MCU: variants seen among roughly 807,000 people sequenced by gnomAD.
The protein encoded by MCU is mitochondrial calcium uniporter.
A neutral mutation model predicts 45.2 loss-of-function variants in MCU; 12 were observed. The observed-to-expected ratio is 0.27, with a 90% CI of 0.17 to 0.43. The LOEUF is 0.43. Among genes scored for constraint, MCU ranks in the 20% least tolerant of loss-of-function variants. The pLI is 1.00. For synonymous variants in MCU, 160 were observed against 165.1 expected, an observed-to-expected ratio of 0.97 and a Z score of 0.24; for missense variants, 324 against 436.7, an observed-to-expected ratio of 0.74 and a Z score of 2.30.
At chr10:72,845,689 A>G (rs998740816) in intron 2 of MCU, among the ~76,000 whole-genome samples, 5 of 152,204 alleles carry the variant, frequency 3.3e-5, no homozygotes, top group Non-Finnish European at 4.4e-5. Flanking sequence ...ATTATCTATG[A>G]TGTTCACACA....
chr10:72,836,882 A>G (rs1198161113), intron 2 of MCU, among the ~76,000 whole-genome samples: 1 of 152,186 alleles, frequency 6.6e-6, no homozygotes, highest in African/African-American at 2.4e-5. Context: ...AGCTACTCCA[A>G]TAAGTAGAGT....
At chr10:72,764,666 TC>T (rs1206832427) in intron 1 of MCU, among the ~76,000 whole-genome samples, 1 of 152,160 alleles carries the variant, frequency 6.6e-6, no homozygotes, top group Non-Finnish European at 1.5e-5. Flanking sequence ...AGTATTACAT[TC>T]CCCTAAACAG....
chr10:72,829,219 A>C (rs1844842412), intron 1 of MCU, among the ~76,000 whole-genome samples: 1 of 151,384 alleles, frequency 6.6e-6, no homozygotes, highest in Non-Finnish European at 1.5e-5. Context: ...GCTACTCGGG[A>C]GGCTGAGGCA....
chr10:72,737,068 T>C (rs945046753), intron 1 of MCU, among the ~76,000 whole-genome samples: 3 of 152,224 alleles, frequency 2.0e-5, no homozygotes, highest in African/African-American at 7.2e-5. Flanking sequence ...AAACTCTAAA[T>C]GGCCACAGAC....
intron 1 of MCU, among the ~76,000 whole-genome samples, chr10:72,763,387 G>T (rs776645336): frequency 6.6e-6 from 1 of 152,174 alleles, no homozygotes; most frequent in Admixed American, 6.5e-5. Context: ...CTCAAACTGG[G>T]TGAAGCGGGA....
At chr10:72,808,595 C>T (rs2395007) in intron 1 of MCU, among the ~76,000 whole-genome samples, 94,688 of 152,020 alleles carry the variant, frequency 0.62, 30,988 homozygotes, top group African/African-American at 0.71. Context: ...GAAAGCTTCA[C>T]GCATTAATCC....
intron 1 of MCU, among the ~76,000 whole-genome samples, chr10:72,744,915 T>C (rs1446204484): frequency 1.3e-5 from 2 of 152,220 alleles, no homozygotes; most frequent in African/African-American, 4.8e-5. Flanking sequence ...AACCTTTGAA[T>C]GTTTAGTATA....
intron 2 of MCU, among the ~76,000 whole-genome samples, chr10:72,844,406 A>G (rs1365590813): frequency 6.6e-6 from 1 of 151,754 alleles, no homozygotes; most frequent in Non-Finnish European, 1.5e-5. Context: ...GTAAAAAAAT[A>G]GAAATACAAA....
chr10:72,781,074 T>A (rs993872208), intron 1 of MCU, among the ~76,000 whole-genome samples: 31 of 152,220 alleles, frequency 2.0e-4, no homozygotes, highest in East Asian at 1.5e-3. Context: ...AAATTTTTTT[T>A]AAAGAATTGG....
chr10:72,742,829 A>ATG, intron 1 of MCU, among the ~76,000 whole-genome samples: 1 of 152,280 alleles, frequency 6.6e-6, no homozygotes, highest in South Asian at 2.1e-4. Context: ...TCTCCTGAAG[A>ATG]TGTAATTAGA....
In MCU at chr10:72,750,446, T is replaced by C. The variant is rs111822683; in HGVS notation, c.150+58145T>C. Among the ~76,000 whole-genome samples, 872 of 152,282 alleles carry C rather than the reference T, an allele frequency of 5.7e-3. 7 individuals carry two copies. The highest frequency in any genetic ancestry group is 0.02 in the African/African-American group (842 of 41,540). ...TTTGTTGCAAGGCATTGATTACAAA[T>C]TTGATTTTTAAGAGCGTTGTTCAGT... On this transcript the variant is annotated intron_variant, in intron 1 of 7. Transcript: ENST00000373053.
chr10:72,811,619 C>T (rs781750537), intron 1 of MCU, among the ~76,000 whole-genome samples: 18 of 152,158 alleles, frequency 1.2e-4, no homozygotes, highest in Admixed American at 3.9e-4. Context: ...ATCTTTCACT[C>T]AGTTTAGTTT....
chr10:72,801,603 A>G (rs1181556119), intron 1 of MCU, among the ~76,000 whole-genome samples: 1 of 151,364 alleles, frequency 6.6e-6, no homozygotes, highest in Non-Finnish European at 1.5e-5. Flanking sequence ...TTTCTTTAAA[A>G]TTGCTACTTC....
At chr10:72,729,792 G>A (rs934860166) in intron 1 of MCU, among the ~76,000 whole-genome samples, 1 of 152,110 alleles carries the variant, frequency 6.6e-6, no homozygotes, top group Admixed American at 6.5e-5. Context: ...AGGCTCTCTC[G>A]TGCATTGTAA....
intron 1 of MCU, among the ~76,000 whole-genome samples, chr10:72,714,507 A>G (rs1842935242): frequency 6.6e-6 from 1 of 151,168 alleles, no homozygotes; most frequent in African/African-American, 2.4e-5. Flanking sequence ...CCCAATTTTT[A>G]TATCTGTTGA....
chr10:72,873,082 G>A (rs1461792511), intron 6 of MCU, among the ~76,000 whole-genome samples: 5 of 133,796 alleles, frequency 3.7e-5, no homozygotes, highest in Non-Finnish European at 6.2e-5. Context: ...ACAATGGCAC[G>A]ATCTCGGCTC....
At chr10:72,748,739 TAAACTC>T (rs1843451475) in intron 1 of MCU, among the ~76,000 whole-genome samples, 1 of 152,162 alleles carries the variant, frequency 6.6e-6, no homozygotes, top group South Asian at 2.1e-4. Flanking sequence ...AAAAAAAAGA[TAAACTC>T]TAAGGGAAGG....
At chr10:72,811,308 C>T (rs753017093) in intron 1 of MCU, among the ~76,000 whole-genome samples, 2 of 152,114 alleles carry the variant, frequency 1.3e-5, no homozygotes, top group African/African-American at 2.4e-5. Flanking sequence ...CGCAATGAGC[C>T]AAAATAGAAT....
chr10:72,834,423 C>G lies in MCU; in HGVS notation c.215C>G (p.Ser72Cys), dbSNP rs747313540. 1 of 1,612,960 alleles carries G rather than the reference C, an allele frequency of 6.2e-7. No homozygotes were observed. The highest frequency in any genetic ancestry group is 1.1e-5 in the South Asian group (1 of 90,970). Reference sequence around the variant, plus strand: ...GTTTATTGCAGCACTGTTGTGCCCTCTGATGGTGAGTTTCAGCAAATCCAC... The same window carrying G: ...GTTTATTGCAGCACTGTTGTGCCCTGTGATGGTGAGTTTCAGCAAATCCAC... Reference protein sequence around the residue: ...GAVYCSTVVPSDDVTVVYQNG... With the variant: ...GAVYCSTVVPCDDVTVVYQNG... The change falls in exon 2 of 8, where the codon TCT (serine) becomes TGT (cysteine). Residue 72 changes from serine (S) to cysteine (C), a missense_variant. Ser to Cys is a moderately radical substitution (Grantham distance 112). Coordinates refer to ENST00000373053, the MANE Select transcript of MCU (RefSeq NM_138357.3).
Sources: gnomAD v4.1 joint callset for allele counts (sites outside exome capture counted in the v4.1 genomes callset) on GRCh38, gnomAD v4.1.1 for gene constraint, MANE v1.5 for transcripts, NCBI Gene and HGNC (gene_info 2026-07-23, HGNC 2026-07-21) for gene names.